RAI1: variants seen among roughly 807,000 people sequenced by gnomAD.
RAI1 encodes the protein retinoic acid-induced protein 1.
A neutral mutation model predicts 123.8 loss-of-function variants in RAI1; 9 were observed. That is an observed-to-expected ratio of 0.07 (90% CI 0.04 to 0.13). RAI1 has a LOEUF of 0.13. Among genes scored for constraint, RAI1 ranks in the 10% least tolerant of loss-of-function variants. The pLI, the probability that RAI1 is intolerant of heterozygous loss-of-function variation, is 1.00. For synonymous variants in RAI1, 1,231 were observed against 1,127.3 expected, an observed-to-expected ratio of 1.09 and a Z score of -1.84; for missense variants, 2,256 against 2,545.8, an observed-to-expected ratio of 0.89 and a Z score of 2.45.
At chr17:17,753,418 A>G (rs148102547) in intron 2 of RAI1, among the ~76,000 whole-genome samples, 158 of 152,376 alleles carry the variant, frequency 1.0e-3, no homozygotes, top group African/African-American at 3.7e-3. Flanking sequence ...GCACTCCCAC[A>G]AAACAAAAGG....
rs942624537 is a variant in RAI1 at position 17,799,938 on chromosome 17, G to A, written c.5565+1425G>A. On this transcript the variant is annotated intron_variant, in intron 3 of 5. Coordinates refer to ENST00000353383, the MANE Select transcript of RAI1 (RefSeq NM_030665.4). This position sits in a 1 kb window ranked among gnomAD's most constrained non-coding sequence, Gnocchi z 4.5. ...GTGTTTGCCACCCACGCCTCCTAGT[G>A]TGTGTCTTGGGCACCTGCTTCCCAC... Among the ~76,000 whole-genome samples, 1 of 152,212 alleles carries A rather than the reference G, an allele frequency of 6.6e-6. No individual in the cohort carries two copies. The highest frequency in any genetic ancestry group is 2.4e-5 in the African/African-American group (1 of 41,448).
Position 17,809,908 on chromosome 17 carries a change from C to A in RAI1, c.5710-62C>A, listed in dbSNP as rs1229738323. The A allele has an allele frequency of 1.3e-6, 2 of 1,547,778 alleles. No homozygotes were observed. Among genetic ancestry groups the A allele is most frequent in the African/African-American group, 2.7e-5 (2 of 72,914 alleles). ...TTAGGCGGGGGGCCCACACTGGGGG[C>A]GGGGCCTATGGACTGTGAAGTCCGA... On this transcript the variant is annotated intron_variant, in intron 5 of 5. Coordinates refer to ENST00000353383, the MANE Select transcript of RAI1 (RefSeq NM_030665.4). The surrounding 1 kb of genome is among the most constrained non-coding windows in gnomAD (Gnocchi z 4.9).
At chr17:17,781,997 C>G (rs2031598886) in intron 2 of RAI1, 1 of 152,196 alleles carries the variant, frequency 6.6e-6, no homozygotes, top group Admixed American at 6.5e-5. Flanking sequence ...AGCCGCCTCT[C>G]GCAGCCACTC....
At chr17:17,808,417 ATT>A (rs1567940402) in intron 4 of RAI1, among the ~76,000 whole-genome samples, 4 of 45,778 alleles carry the variant, frequency 8.7e-5, no homozygotes, top group African/African-American at 2.1e-4. Flanking sequence ...TTATTTTATT[ATT>A]TTATTTTATT....
At position 17,799,086 on chromosome 17, in the gene RAI1, T is replaced by A. The variant is rs1030988415; in HGVS notation, c.5565+573T>A. Among the ~76,000 whole-genome samples, 3 of 152,104 alleles carry A rather than the reference T, an allele frequency of 2.0e-5. No individual in the cohort carries two copies. The highest frequency in any genetic ancestry group is 7.2e-5 in the African/African-American group (3 of 41,424). On this transcript the variant is annotated intron_variant, in intron 3 of 5. Coordinates refer to ENST00000353383, the MANE Select transcript of RAI1 (RefSeq NM_030665.4). The surrounding 1 kb of genome is among the most constrained non-coding windows in gnomAD (Gnocchi z 4.5). ...GTCACAACAGGCAGGGCGGGGCAGATCCAGACCCTCTCACCATTGGCTCTG... is the reference window on the plus strand; with the variant it reads ...GTCACAACAGGCAGGGCGGGGCAGAACCAGACCCTCTCACCATTGGCTCTG...
At chr17:17,713,368 A>G (rs1339003070) in intron 1 of RAI1, among the ~76,000 whole-genome samples, 2 of 152,166 alleles carry the variant, frequency 1.3e-5, no homozygotes, top group East Asian at 3.9e-4. Flanking sequence ...GGCCAGCTGC[A>G]GTGGCTCATG....
intron 2 of RAI1, among the ~76,000 whole-genome samples, chr17:17,740,524 G>A (rs898276905): frequency 7.2e-5 from 11 of 152,190 alleles, no homozygotes; most frequent in South Asian, 2.1e-4. Context: ...TGGGGGCTTC[G>A]AATAGGTACA....
intron 1 of RAI1, among the ~76,000 whole-genome samples, chr17:17,692,484 A>G (rs1914874531): frequency 6.6e-6 from 1 of 152,224 alleles, no homozygotes; most frequent in African/African-American, 2.4e-5. Flanking sequence ...AAGCACAGAG[A>G]GGTTAAGTGA....
chr17:17,782,730 G>A (rs1457286793), intron 2 of RAI1, among the ~76,000 whole-genome samples: 1 of 151,762 alleles, frequency 6.6e-6, no homozygotes, highest in African/African-American at 2.4e-5. Context: ...GGAGGAAGAG[G>A]TCTCGGCCTG....
rs766006883 is a variant in RAI1, at chr17:17,797,471, CCCAGCCCCCGGAGGGCAGGCCCTG to C, written c.4532_4555del (p.Pro1511_Pro1518del). The C allele has an allele frequency of 1.4e-5, 23 of 1,613,166 alleles. No individual in the cohort carries two copies. The highest frequency in any genetic ancestry group is 1.9e-5 in the Non-Finnish European group (23 of 1,179,842). On this transcript the variant is annotated inframe_deletion, in exon 3 of 6. Transcript: ENST00000353383. ...AAGATGGAGGAGCTGGGCCTGGCCT[CCCAGCCCCCGGAGGGCAGGCCCTG>C]CCAGCCCCAGACAAGGGCACAGAAA...
At chr17:17,687,885 C>T (rs904832392) in intron 1 of RAI1, among the ~76,000 whole-genome samples, 1 of 151,880 alleles carries the variant, frequency 6.6e-6, no homozygotes, top group African/African-American at 2.4e-5. Context: ...CAAAAATTAG[C>T]CAGGTGTGGT....
At chr17:17,740,509 C>T (rs1011907228) in intron 2 of RAI1, among the ~76,000 whole-genome samples, 8 of 152,186 alleles carry the variant, frequency 5.3e-5, no homozygotes, top group African/African-American at 7.2e-5. Context: ...GGCCTGATGC[C>T]GTGCTGGGGG....
At chr17:17,783,695 C>T (rs927270843) in intron 2 of RAI1, among the ~76,000 whole-genome samples, 24 of 152,032 alleles carry the variant, frequency 1.6e-4, no homozygotes, top group Admixed American at 5.2e-4. Context: ...TCGCGTGGGG[C>T]TCCTCGCCCC....
chr17:17,779,592 G>T (rs576723651), intron 2 of RAI1: 1 of 152,510 alleles, frequency 6.6e-6, no homozygotes, highest in East Asian at 1.9e-4. Context: ...CATAGGGTTT[G>T]TATTTGGTCT....
intron 2 of RAI1, among the ~76,000 whole-genome samples, chr17:17,762,698 G>A (rs532104419): frequency 1.6e-4 from 25 of 152,256 alleles, no homozygotes; most frequent in Middle Eastern, 3.4e-3. Flanking sequence ...TGTGGTGGGG[G>A]ACTTGTCGGG....
chr17:17,696,460 C>T (rs1487325083), intron 1 of RAI1, among the ~76,000 whole-genome samples: 2 of 152,162 alleles, frequency 1.3e-5, no homozygotes, highest in African/African-American at 4.8e-5. Context: ...TTTAGGTATG[C>T]CATCATTACT....
intron 1 of RAI1, chr17:17,684,681 T>TAC (rs1371436528): frequency 2.2e-5 from 1 of 44,892 alleles, no homozygotes; most frequent in East Asian, 2.6e-4. Context: ...CATATATATA[T>TAC]ATATATATAT....
At position 17,702,470 on chromosome 17, in the gene RAI1, A is replaced by G. The variant is rs555124489; in HGVS notation, c.-149+20677A>G. On this transcript the variant is annotated intron_variant, in intron 1 of 5. Transcript: ENST00000353383. ...AAGCAGTGACCCCATCAGGGCTAAT[A>G]GCAGTGGGGCCTGCTGCCCAACTCC... Among the ~76,000 whole-genome samples, 5 of 152,370 alleles carry G rather than the reference A, an allele frequency of 3.3e-5. No homozygotes were observed. The South Asian group carries it at 1.0e-3, about 32-fold the overall frequency.
intron 2 of RAI1, among the ~76,000 whole-genome samples, chr17:17,741,536 C>T (rs919850639): frequency 7.2e-5 from 11 of 152,230 alleles, no homozygotes; most frequent in African/African-American, 9.6e-5. Context: ...GACTCGTCCT[C>T]GGCTCTCTGC....
Sources: allele counts gnomAD v4.1 joint callset (sites outside exome capture counted in the v4.1 genomes callset), GRCh38; gene constraint gnomAD v4.1.1; non-coding constraint Gnocchi (gnomAD v3.1); transcripts MANE v1.5; gene names NCBI Gene and HGNC (gene_info 2026-07-23, HGNC 2026-07-21).